The following DCLK1 variants were observed in gnomAD, a reference collection of about 807,000 sequenced individuals.
DCLK1 encodes the protein doublecortin like kinase 1, also known as serine/threonine-protein kinase DCLK1.
Under a neutral mutation model 86.2 loss-of-function variants are expected in DCLK1, and 16 were observed. That is an observed-to-expected ratio of 0.19 (90% CI 0.13 to 0.28). DCLK1 has a LOEUF of 0.28. Among genes scored for constraint, DCLK1 ranks in the 10% least tolerant of loss-of-function variants. The probability of loss-of-function intolerance (pLI) is 1.00; values close to 1 mark genes in which losing one functional copy is unlikely to be tolerated. For synonymous variants in DCLK1, 369 were observed against 370.5 expected, an observed-to-expected ratio of 1.00 and a Z score of 0.05; for missense variants, 590 against 940.2, an observed-to-expected ratio of 0.63 and a Z score of 4.87.
intron 5 of DCLK1, among the ~76,000 whole-genome samples, chr13:35,867,933 G>GAAAT: frequency 7.5e-6 from 1 of 132,996 alleles, no homozygotes; most frequent in South Asian, 2.4e-4. Flanking sequence ...AAGAAAGAAA[G>GAAAT]AAAGAAAGAA....
At chr13:35,967,084 G>A (rs71438078) in intron 3 of DCLK1, among the ~76,000 whole-genome samples, 21,491 of 145,424 alleles carry the variant, frequency 0.15, 1,749 homozygotes, top group East Asian at 0.22. Flanking sequence ...GCCGCCCATC[G>A]TCTGGGATGT....
chr13:35,918,068 A>G (rs1158046311), intron 4 of DCLK1, among the ~76,000 whole-genome samples: 5 of 152,236 alleles, frequency 3.3e-5, no homozygotes, highest in Admixed American at 3.3e-4. Context: ...GGCAATGCTT[A>G]TTCTTAACAG....
At chr13:36,118,485 C>A (rs1348746538) in intron 2 of DCLK1, among the ~76,000 whole-genome samples, 1 of 151,936 alleles carries the variant, frequency 6.6e-6, no homozygotes, top group African/African-American at 2.4e-5. Context: ...ACAATAGATA[C>A]AATTAGAAGG....
chr13:35,924,920 C>A (rs1876026386), intron 4 of DCLK1, among the ~76,000 whole-genome samples: 1 of 152,194 alleles, frequency 6.6e-6, no homozygotes, highest in Non-Finnish European at 1.5e-5. Flanking sequence ...GCTGCTTTCA[C>A]ATGAGAATAG....
At chr13:35,801,369 T>A (rs778169562) in intron 15 of DCLK1, among the ~76,000 whole-genome samples, 2 of 152,164 alleles carry the variant, frequency 1.3e-5, no homozygotes, top group African/African-American at 2.4e-5. Context: ...GAAGAAAAAA[T>A]CCGTTTTCTG....
chr13:36,021,643 A>G (rs1881786705), intron 3 of DCLK1, among the ~76,000 whole-genome samples: 1 of 152,102 alleles, frequency 6.6e-6, no homozygotes, highest in African/African-American at 2.4e-5. Context: ...AATTGTTCCT[A>G]GAGACAAAGA....
chr13:35,845,413 A>G (rs750911954), intron 6 of DCLK1, among the ~76,000 whole-genome samples: 1 of 152,192 alleles, frequency 6.6e-6, no homozygotes, highest in Non-Finnish European at 1.5e-5. Flanking sequence ...TTAAAACTAT[A>G]TATTTATCCA....
chr13:36,003,616 C>T (rs1880818994), intron 3 of DCLK1, among the ~76,000 whole-genome samples: 1 of 152,078 alleles, frequency 6.6e-6, no homozygotes, highest in South Asian at 2.1e-4. Context: ...GGTACTGCAA[C>T]ATAAGTTAGA....
At chr13:36,085,879 C>T (rs1884576571) in intron 3 of DCLK1, among the ~76,000 whole-genome samples, 1 of 152,150 alleles carries the variant, frequency 6.6e-6, no homozygotes, top group Admixed American at 6.5e-5. Context: ...ATTCTGGCAA[C>T]TTTGAATAAA....
chr13:35,922,478 G>A (rs1875858849), intron 4 of DCLK1, among the ~76,000 whole-genome samples: 1 of 152,156 alleles, frequency 6.6e-6, no homozygotes, highest in Admixed American at 6.5e-5. Context: ...TTGGCGGACA[G>A]TCAGACCCAG....
At chr13:35,975,501 C>T (rs1234434868) in intron 3 of DCLK1, among the ~76,000 whole-genome samples, 3 of 152,154 alleles carry the variant, frequency 2.0e-5, no homozygotes, top group Non-Finnish European at 4.4e-5. Flanking sequence ...GGACGCTATC[C>T]TCTTCCACCA....
intron 3 of DCLK1, among the ~76,000 whole-genome samples, chr13:36,042,851 A>G (rs1040905648): frequency 1.3e-5 from 2 of 152,242 alleles, no homozygotes; most frequent in African/African-American, 4.8e-5. Context: ...CCATTTTAAT[A>G]ACTTTTCTTT....
In DCLK1 at chr13:36,126,256, C is replaced by G. The variant is rs887737434; in HGVS notation, c.-19-100G>C. 4 of 1,017,132 alleles carry G rather than the reference C, an allele frequency of 3.9e-6. No individual in the cohort carries two copies. The African/African-American group carries it at 5.0e-5, about 13-fold the overall frequency. The allele number at this position is 1,017,132 out of a possible 1,614,324, so 63.0% of individuals were successfully genotyped here. A position where few individuals can be genotyped will look rare whatever the true frequency, so the allele number is the denominator to read the frequency against. ...GTTTTTTTTATGTTAGGGACAGGGTCCTGCTCTGTCACCGGGCTGCAGTGA... is the reference window on the plus strand; with the variant it reads ...GTTTTTTTTATGTTAGGGACAGGGTGCTGCTCTGTCACCGGGCTGCAGTGA... On this transcript the variant is annotated intron_variant, in intron 1 of 16. Transcript: ENST00000360631.
chr13:36,084,389 C>T (rs560328999), intron 3 of DCLK1, among the ~76,000 whole-genome samples: 1 of 152,242 alleles, frequency 6.6e-6, no homozygotes, highest in East Asian at 1.9e-4. Flanking sequence ...ACACAAGGGT[C>T]AAACCTTGCA....
At chr13:36,065,294 A>T (rs1883707079) in intron 3 of DCLK1, among the ~76,000 whole-genome samples, 1 of 152,220 alleles carries the variant, frequency 6.6e-6, no homozygotes, top group African/African-American at 2.4e-5. Context: ...TAAATGAGAC[A>T]TGATGTTAAA....
chr13:36,075,034 AG>A, intron 3 of DCLK1, among the ~76,000 whole-genome samples: 1 of 152,340 alleles, frequency 6.6e-6, no homozygotes, highest in African/African-American at 2.4e-5. Context: ...TAAATGTTTA[AG>A]GGGGGAAAAA....
At chr13:35,910,901 G>A (rs1360145306) in intron 4 of DCLK1, among the ~76,000 whole-genome samples, 1 of 152,146 alleles carries the variant, frequency 6.6e-6, no homozygotes, top group African/African-American at 2.4e-5. Flanking sequence ...TTGGCCGATT[G>A]AGGGATGTGA....
chr13:35,922,024 T>C (rs1875832251), intron 4 of DCLK1, among the ~76,000 whole-genome samples: 1 of 152,164 alleles, frequency 6.6e-6, no homozygotes, highest in Admixed American at 6.5e-5. Flanking sequence ...TTGATGAAGA[T>C]AAGTTCTATC....
At chr13:35,845,132 T>C (rs569586590) in intron 6 of DCLK1, among the ~76,000 whole-genome samples, 1 of 152,156 alleles carries the variant, frequency 6.6e-6, no homozygotes, top group South Asian at 2.1e-4. Flanking sequence ...CCTGTAATTC[T>C]AGCTACTCAG....
Sources: allele counts gnomAD v4.1 joint callset (sites outside exome capture counted in the v4.1 genomes callset), GRCh38; gene constraint gnomAD v4.1.1; transcripts MANE v1.5; gene names NCBI Gene and HGNC (gene_info 2026-07-23, HGNC 2026-07-21).